USP13: variants seen among roughly 807,000 people sequenced by gnomAD.
The protein encoded by USP13 is ubiquitin specific peptidase 13.
A neutral mutation model predicts 107.8 loss-of-function variants in USP13; 68 were observed. The observed-to-expected ratio is 0.63, with a 90% CI of 0.52 to 0.77. USP13 has a LOEUF of 0.77. Ranked by LOEUF, USP13 falls within the 30% of genes least tolerant of loss-of-function variation. The probability of loss-of-function intolerance (pLI) is 0.00; values close to 1 mark genes in which losing one functional copy is unlikely to be tolerated. For missense variants in USP13, 945 were observed against 1,093.3 expected (o/e 0.86, Z 1.91); for synonymous variants, 377 against 389.5 (o/e 0.97, Z 0.38).
intron 14 of USP13, among the ~76,000 whole-genome samples, chr3:179,753,319 G>T (rs1430093614): frequency 6.6e-6 from 1 of 152,196 alleles, no homozygotes; most frequent in Non-Finnish European, 1.5e-5. Context: ...GGCTGTTACT[G>T]ATCCTGCAGG....
intron 2 of USP13, among the ~76,000 whole-genome samples, chr3:179,687,030 G>T (rs1576925450): frequency 1.3e-5 from 2 of 152,112 alleles, no homozygotes; most frequent in South Asian, 2.1e-4. Flanking sequence ...CTTCATCAGG[G>T]TTATCCATAT....
At chr3:179,705,047 C>G (rs1712664452) in intron 4 of USP13, among the ~76,000 whole-genome samples, 1 of 152,120 alleles carries the variant, frequency 6.6e-6, no homozygotes, top group Admixed American at 6.5e-5. Flanking sequence ...ATCAGGGAAC[C>G]ATGATGGTGG....
chr3:179,744,892 T>G, intron 12 of USP13, 151 bp from the exon 13 acceptor site: 1 of 875,900 alleles, frequency 1.1e-6, no homozygotes, highest in Non-Finnish European at 1.7e-6. Context: ...AGAACAGCCT[T>G]TCAGCAGGGG....
intron 4 of USP13, among the ~76,000 whole-genome samples, chr3:179,704,794 A>T (rs1351027390): frequency 6.6e-6 from 1 of 152,196 alleles, no homozygotes; most frequent in Non-Finnish European, 1.5e-5. Flanking sequence ...TATATTTATT[A>T]AGTCCCGATC....
In USP13 at chr3:179,787,204, C is replaced by T. The variant is rs1382060162; in HGVS notation, c.*3063C>T. On this transcript the variant is annotated 3_prime_UTR_variant, in exon 21 of 21. Transcript: ENST00000263966. ...GCTATAGGAAGTCCAGCGGGGATAG[C>T]TCGAGCCTCTTGCTCCCTGAGTCAT... The T allele has an allele frequency of 6.6e-6, 1 of 152,200 alleles. No homozygotes were observed. Among genetic ancestry groups the T allele is most frequent in the African/African-American group, 2.4e-5 (1 of 41,450 alleles). The allele number at this position is 152,200 out of a possible 1,614,324, so 9.4% of individuals were successfully genotyped here.
intron 1 of USP13, among the ~76,000 whole-genome samples, chr3:179,659,999 C>T (rs780629109): frequency 1.3e-5 from 2 of 152,120 alleles, no homozygotes; most frequent in Non-Finnish European, 2.9e-5. Flanking sequence ...GCCAAGATCC[C>T]GCTATTCCAC....
chr3:179,676,242 TA>T (rs1463742104), intron 1 of USP13, among the ~76,000 whole-genome samples: 3 of 152,234 alleles, frequency 2.0e-5, no homozygotes, highest in Non-Finnish European at 4.4e-5. Context: ...CTTTCCTTTA[TA>T]AATTACCCAG....
At chr3:179,668,648 C>T (rs772164038) in intron 1 of USP13, among the ~76,000 whole-genome samples, 1 of 152,196 alleles carries the variant, frequency 6.6e-6, no homozygotes, top group African/African-American at 2.4e-5. Context: ...CCTTGACCTC[C>T]TGGGCTTAAG....
At chr3:179,777,587 C>T (rs904358384) in intron 19 of USP13, among the ~76,000 whole-genome samples, 6 of 151,688 alleles carry the variant, frequency 4.0e-5, no homozygotes, top group East Asian at 1.9e-4. Flanking sequence ...CGAGTAGCTG[C>T]GACTACAGGT....
At chr3:179,659,533 G>A (rs1427198430) in intron 1 of USP13, among the ~76,000 whole-genome samples, 2 of 152,026 alleles carry the variant, frequency 1.3e-5, no homozygotes, top group Non-Finnish European at 2.9e-5. Flanking sequence ...GAGTGATAGG[G>A]CACTTACTAG....
In USP13 at chr3:179,761,799, G is replaced by A. The variant is rs1347113873; in HGVS notation, c.2092+544G>A. Among the ~76,000 whole-genome samples the A allele has an allele frequency of 3.9e-5, 6 of 152,138 alleles. No individual in the cohort carries two copies. The East Asian group carries it at 9.6e-4, about 24-fold the overall frequency. On this transcript the variant is annotated intron_variant, in intron 17 of 20. Transcript: ENST00000263966. Reference sequence around the variant, plus strand: ...GAGATATAATTCATCCCTTTAAAGTGTATAAGTCAGTGGCAAAAAGACCAA... The same window carrying A: ...GAGATATAATTCATCCCTTTAAAGTATATAAGTCAGTGGCAAAAAGACCAA...
intron 19 of USP13, among the ~76,000 whole-genome samples, chr3:179,780,213 A>T (rs913213880): frequency 6.6e-6 from 1 of 152,248 alleles, no homozygotes; most frequent in African/African-American, 2.4e-5. Context: ...TTAACATTGT[A>T]CAGGAGGTTC....
At chr3:179,677,540 A>T (rs1711515229) in intron 1 of USP13, among the ~76,000 whole-genome samples, 1 of 152,126 alleles carries the variant, frequency 6.6e-6, no homozygotes, top group Non-Finnish European at 1.5e-5. Context: ...AGATCGCGCC[A>T]TTGCATTCCA....
intron 4 of USP13, among the ~76,000 whole-genome samples, chr3:179,703,782 CATAG>C (rs1158715845): frequency 1.3e-5 from 2 of 152,136 alleles, no homozygotes; most frequent in African/African-American, 4.8e-5. Flanking sequence ...CTCAAGAACA[CATAG>C]ATAATAATGA....
At chr3:179,703,815 G>C (rs1712618996) in intron 4 of USP13, among the ~76,000 whole-genome samples, 1 of 152,168 alleles carries the variant, frequency 6.6e-6, no homozygotes, top group Non-Finnish European at 1.5e-5. Flanking sequence ...AAAACAATTA[G>C]GAAGTGAAGA....
At chr3:179,775,873 T>C (rs954813570) in intron 19 of USP13, among the ~76,000 whole-genome samples, 2 of 152,086 alleles carry the variant, frequency 1.3e-5, no homozygotes, top group African/African-American at 4.8e-5. Flanking sequence ...CGCCTCTCCC[T>C]CCACACCTTG....
intron 9 of USP13, among the ~76,000 whole-genome samples, 156 bp from the exon 10 acceptor site, chr3:179,730,460 A>G (rs1358767177): frequency 6.6e-6 from 1 of 152,272 alleles, no homozygotes; most frequent in African/African-American, 2.4e-5. Context: ...TGGTATCAGT[A>G]TGAAGCAGAA....
In USP13 at chr3:179,761,085, A is replaced by C. The variant is rs778420437; in HGVS notation, c.1949-27A>C. On this transcript the variant is annotated intron_variant, in intron 16 of 20. Coordinates refer to ENST00000263966, the MANE Select transcript of USP13 (RefSeq NM_003940.3). Reference sequence around the variant, plus strand: ...AAGAAGCGACAGTTTCCTCTTTCACACTAGAATATCCTGTTGTGCTCTGTA... The same window carrying C: ...AAGAAGCGACAGTTTCCTCTTTCACCCTAGAATATCCTGTTGTGCTCTGTA... 2.5e-6 allele frequency: 4 copies of C among 1,613,580 alleles called. No homozygotes were observed. In the Admixed American group the frequency reaches 6.7e-5, roughly 27 times the overall value.
At chr3:179,784,018 A>G (rs776238294) in intron 20 of USP13, 30 bp from the exon 21 acceptor site, 4 of 1,580,148 alleles carry the variant, frequency 2.5e-6, no homozygotes, top group Non-Finnish European at 3.5e-6. Flanking sequence ...ACTGACTTAA[A>G]TCCATCAAAT....
Sources: allele counts gnomAD v4.1 joint callset (sites outside exome capture counted in the v4.1 genomes callset), GRCh38; gene constraint gnomAD v4.1.1; transcripts MANE v1.5; gene names NCBI Gene and HGNC (gene_info 2026-07-23, HGNC 2026-07-21).